PSG2: variants seen among roughly 807,000 people sequenced by gnomAD.
PSG2 encodes pregnancy-specific beta-1-glycoprotein 2.
PSG2 carries 49 observed loss-of-function variants against 36.2 expected under a neutral mutation model. The observed-to-expected ratio is 1.35, with a 90% CI of 1.08 to 1.72. PSG2 has a LOEUF of 1.72. PSG2 is among the 40% of genes most tolerant of loss of function. PSG2 has a pLI of 0.00. For missense variants in PSG2, 605 were observed against 407.2 expected, an observed-to-expected ratio of 1.49 and a Z score of -4.18; for synonymous variants, 261 against 155.6, an observed-to-expected ratio of 1.68 and a Z score of -5.04.
intron 2 of PSG2, among the ~76,000 whole-genome samples, chr19:43,077,543 C>G (rs1967914405): frequency 6.6e-6 from 1 of 151,610 alleles, no homozygotes; most frequent in Non-Finnish European, 1.5e-5. Context: ...ATGCCAATGG[C>G]TCATGTGTCT....
At chr19:43,072,296 C>T (rs537059498) in intron 3 of PSG2, 4 of 1,602,706 alleles carry the variant, frequency 2.5e-6, no homozygotes, top group Middle Eastern at 2.0e-4. Context: ...GAGGCCTGGC[C>T]CCTGGTCATT....
At position 43,081,184 on chromosome 19, in the gene PSG2, G is replaced by T; in HGVS notation, c.127C>A (p.Pro43Thr). Residue 43 changes from proline to threonine, a missense_variant, in exon 2 of 6, where the codon CCA becomes ACA. Physicochemically the swap from Pro to Thr is conservative, Grantham distance 38. Transcript: ENST00000406487. The stretch of plus-strand genomic sequence containing the variant: ...ACATCCTTCCCCTCGGAAACTTTTG[G>T]TGGCTGGGCTTCAATCGTGACTTGG... ...TAQVTIEAQP[P>T]KVSEGKDVLL... The T allele has an allele frequency of 6.2e-7, 1 of 1,612,710 alleles. No homozygotes were observed. The highest frequency in any genetic ancestry group is 8.5e-7 in the Non-Finnish European group (1 of 1,179,638).
At chr19:43,072,293 G>C in intron 3 of PSG2, 5 of 1,600,230 alleles carry the variant, frequency 3.1e-6, no homozygotes, top group African/African-American at 2.7e-5. Flanking sequence ...TGAGAGGCCT[G>C]GCCCCTGGTC....
chr19:43,072,948 C>T (rs1382054102), intron 3 of PSG2, among the ~76,000 whole-genome samples: 1 of 151,722 alleles, frequency 6.6e-6, no homozygotes, highest in Non-Finnish European at 1.5e-5. Context: ...GACTGGCTGG[C>T]TCACCTTGGG....
In PSG2 at chr19:43,065,127, G is replaced by A. The variant is rs145610404; in HGVS notation, c.*41-526C>T. On this transcript the variant is annotated intron_variant, in intron 5 of 5. Transcript: ENST00000406487. The stretch of plus-strand genomic sequence containing the variant: ...TGGGATTGCAGGCGTGAGCCATCGC[G>A]CTCAGCCTAGAATACTCATATTATT... Among the ~76,000 whole-genome samples, 1,095 of 151,806 alleles carry A rather than the reference G, an allele frequency of 7.2e-3. 39 individuals carry two copies. The highest frequency in any genetic ancestry group is 0.022 in the African/African-American group (895 of 41,224).
chr19:43,080,203 C>T (rs917320885), intron 2 of PSG2, among the ~76,000 whole-genome samples: 3 of 151,742 alleles, frequency 2.0e-5, no homozygotes, highest in Non-Finnish European at 2.9e-5. Context: ...CATTAGACTT[C>T]CTATGGACTC....
At chr19:43,077,155 G>A (rs2122912423) in intron 2 of PSG2, among the ~76,000 whole-genome samples, 1 of 151,688 alleles carries the variant, frequency 6.6e-6, no homozygotes, top group Non-Finnish European at 1.5e-5. Context: ...ATCAATTGCT[G>A]GTAGTAGTAT....
rs1967743769 is a variant in PSG2 at position 43,066,662 on chromosome 19, C to G, written c.965-62G>C. ...GATGTTATTTTACATGGGGGAGCAT[C>G]AGGAACAAGCATGTAACATGAGGTA... On this transcript the variant is annotated intron_variant, in intron 4 of 5. Coordinates refer to ENST00000406487, the MANE Select transcript of PSG2 (RefSeq NM_031246.4). 2.0e-6 allele frequency: 3 copies of G among 1,483,306 alleles called. No individual in the cohort carries two copies. In the Admixed American group the frequency reaches 5.0e-5, roughly 25 times the overall value. The allele number at this position is 1,483,306 out of a possible 1,614,324, so 91.9% of individuals were successfully genotyped here.
chr19:43,068,695 A>G lies in PSG2; in HGVS notation c.965-2095T>C, dbSNP rs183654115. On this transcript the variant is annotated intron_variant, in intron 4 of 5. Transcript: ENST00000406487. ...TTCCATATTTTTTCATAAGAAAAAC[A>G]TTGTAAGAATGGAAGGAAACCACTT... Among the ~76,000 whole-genome samples the G allele has an allele frequency of 2.1e-3, 321 of 151,816 alleles. 19 individuals carry two copies. Among genetic ancestry groups the G allele is most frequent in the African/African-American group, 7.1e-3 (292 of 41,226 alleles).
In PSG2 at chr19:43,074,877, G is replaced by A. The variant is rs12971422; in HGVS notation, c.709+477C>T. On this transcript the variant is annotated intron_variant, in intron 3 of 5. Transcript: ENST00000406487. ...ATGCTCTGCCAGTGGGTGAGTGTCT[G>A]TGAGGCAGGAGAGCTTGGGGACTTC... is the stretch of plus-strand genomic sequence containing the variant. Among the ~76,000 whole-genome samples, 1,275 of 151,386 alleles carry A rather than the reference G, an allele frequency of 8.4e-3. 25 individuals are homozygous for A. Among genetic ancestry groups the A allele is most frequent in the Non-Finnish European group, 0.012 (835 of 67,920 alleles).
At chr19:43,066,100 A>G (rs1309844671) in intron 5 of PSG2, among the ~76,000 whole-genome samples, 1 of 151,696 alleles carries the variant, frequency 6.6e-6, no homozygotes, top group Non-Finnish European at 1.5e-5. Context: ...AAATCAATTA[A>G]CCAGATTTTA....
At chr19:43,077,447 T>G (rs937055423) in intron 2 of PSG2, among the ~76,000 whole-genome samples, 1 of 151,802 alleles carries the variant, frequency 6.6e-6, no homozygotes, top group Non-Finnish European at 1.5e-5. Context: ...AAAACAGGTA[T>G]GTGAAATGCT....
intron 3 of PSG2, chr19:43,072,518 C>T: frequency 6.2e-7 from 1 of 1,611,198 alleles, no homozygotes; most frequent in Admixed American, 1.7e-5. Flanking sequence ...ACCATTTAGC[C>T]ACCAAATGTA....
rs1142250 is a variant in PSG2 at position 43,081,223 on chromosome 19, G to A, written c.88C>T (p.Leu30=). The stretch of plus-strand genomic sequence containing the variant: ...ATCGTGACTTGGGCAGTGGTGGGCA[G>A]GTTCCAGAAGTTTAAAAGTGATGCT... The part of the protein sequence containing the change: ...VTASLLNFWN[L]PTTAQVTIEA... Residue 30 remains leucine (L), a synonymous_variant, in exon 2 of 6, where the codon CTG becomes TTG. Coordinates refer to ENST00000406487, the MANE Select transcript of PSG2 (RefSeq NM_031246.4). 264 of 1,612,364 alleles carry A rather than the reference G, an allele frequency of 1.6e-4. 3 individuals carry two copies. In the East Asian group the frequency reaches 2.3e-3, roughly 14 times the overall value.
chr19:43,077,877 A>T (rs1229212124), intron 2 of PSG2, among the ~76,000 whole-genome samples: 1 of 151,688 alleles, frequency 6.6e-6, no homozygotes, highest in East Asian at 1.9e-4. Flanking sequence ...GGGATTCCTT[A>T]GCTTTTTTAC....
chr19:43,082,048 CT>C (rs1967984807), intron 1 of PSG2: 2 of 155,288 alleles, frequency 1.3e-5, no homozygotes, highest in African/African-American at 4.9e-5. Context: ...GTTTTGACCC[CT>C]GTCCCTCTCT....
At chr19:43,077,038 G>C (rs1247952755) in intron 2 of PSG2, among the ~76,000 whole-genome samples, 2 of 151,574 alleles carry the variant, frequency 1.3e-5, no homozygotes, top group African/African-American at 4.9e-5. Context: ...GTTGTCAGGA[G>C]TTTAGACCTC....
chr19:43,066,561 G>C lies in PSG2; in HGVS notation c.1004C>G (p.Thr335Arg). The C allele has an allele frequency of 3.8e-6, 6 of 1,599,140 alleles. No homozygotes were observed. The highest frequency in any genetic ancestry group is 5.1e-6 in the Non-Finnish European group (6 of 1,167,112). ...ACAGAAATGACATCACAGCTGCTAT[G>C]TTGGATTAAGGAGAGGAAGAAGTCC... ...RIGLLPLLNP[T>R] is the part of the protein sequence containing the mutation. The change falls in exon 5 of 6, where the codon ACA becomes AGA. Residue 335 changes from threonine (T) to arginine (R), a missense_variant. Coordinates refer to ENST00000406487, the MANE Select transcript of PSG2 (RefSeq NM_031246.4).
In PSG2 at chr19:43,067,411, T is replaced by C. The variant is rs57715739; in HGVS notation, c.965-811A>G. On this transcript the variant is annotated intron_variant, in intron 4 of 5. Coordinates refer to ENST00000406487, the MANE Select transcript of PSG2 (RefSeq NM_031246.4). The stretch of plus-strand genomic sequence containing the variant: ...TTCTTTCTCTCCCACAAGCAGTCAG[T>C]AACCATGTCCTAGTGTTTTATGTGT... Among the ~76,000 whole-genome samples, 747 of 151,344 alleles carry C rather than the reference T, an allele frequency of 4.9e-3. 29 individuals carry two copies. The highest frequency in any genetic ancestry group is 0.018 in the African/African-American group (723 of 40,932).
Sources: gnomAD v4.1 joint callset for allele counts (sites outside exome capture counted in the v4.1 genomes callset) on GRCh38, gnomAD v4.1.1 for gene constraint, MANE v1.5 for transcripts, NCBI Gene and HGNC (gene_info 2026-07-23, HGNC 2026-07-21) for gene names.